The following DACH2 variants were observed in gnomAD, a reference collection of about 807,000 sequenced individuals.
DACH2 encodes dachshund homolog 2.
A neutral mutation model predicts 35.8 loss-of-function variants in DACH2; 17 were observed. The ratio of observed to expected loss-of-function variants is 0.48; its 90% CI spans 0.33 to 0.71. The LOEUF is 0.71. Ranked by LOEUF, DACH2 falls within the 30% of genes least tolerant of loss-of-function variation. DACH2 has a pLI of 0.02. For synonymous variants in DACH2, 195 were observed against 177.3 expected (o/e 1.10, Z -0.79); for missense variants, 469 against 472.7 (o/e 0.99, Z 0.07).
At chrX:86,335,786 T>C (rs1259363960) in intron 1 of DACH2, among the ~76,000 whole-genome samples, 1 of 112,012 alleles carries the variant, frequency 8.9e-6, no homozygotes. Context: ...CAATACTATG[T>C]TGAATAAGAG....
chrX:86,783,446 G>A (rs1411385124), intron 7 of DACH2, among the ~76,000 whole-genome samples: 1 of 111,905 alleles, frequency 8.9e-6, no homozygotes, highest in African/African-American at 3.2e-5. Context: ...CCAGTAAATC[G>A]AAGAGATAGC....
intron 3 of DACH2, among the ~76,000 whole-genome samples, chrX:86,522,055 G>T (rs1164544687): frequency 9.0e-6 from 1 of 111,064 alleles, no homozygotes; most frequent in Non-Finnish European, 1.9e-5. Context: ...ATTTTCTTCT[G>T]TAATTTGTAT....
chrX:86,814,950 A>C, intron 10 of DACH2, 116 bp downstream of exon 10: 1 of 793,110 alleles, frequency 1.3e-6, no homozygotes, highest in Non-Finnish European at 1.8e-6. Context: ...GAGAGAGGGA[A>C]ACACAGACAT....
At chrX:86,792,297 C>T (rs962663091) in intron 7 of DACH2, among the ~76,000 whole-genome samples, 1 of 111,688 alleles carries the variant, frequency 9.0e-6, no homozygotes, top group East Asian at 2.8e-4. Flanking sequence ...TTGTCACAAG[C>T]GTAGAATGTG....
At chrX:86,402,040 A>G (rs2036443039) in intron 2 of DACH2, among the ~76,000 whole-genome samples, 1 of 112,130 alleles carries the variant, frequency 8.9e-6, no homozygotes, top group Admixed American at 9.5e-5. Flanking sequence ...ATATCTAAAA[A>G]TAAAAGTGCC....
chrX:86,714,718 A>C lies in DACH2; in HGVS notation c.1102A>C (p.Lys368Gln). ...PLSRAGTSVI[K>Q]ERIPESPSPA... is the part of the protein sequence containing the mutation. ...CTCCAGAGCTGGTACCTCTGTTATA[A>C]AGGTAAGAATCGTGATTTAGAAAAG... Residue 368 changes from lysine to glutamine, a missense_variant and splice_region_variant, in exon 6 of 12, where the codon AAG becomes CAG. Transcript: ENST00000373125. 1 of 1,165,614 alleles carries C rather than the reference A, an allele frequency of 8.6e-7. No homozygotes were observed. The highest frequency in any genetic ancestry group is 1.2e-6 in the Non-Finnish European group (1 of 865,842).
chrX:86,311,205 C>T (rs2148024763), intron 1 of DACH2, among the ~76,000 whole-genome samples: 1 of 112,230 alleles, frequency 8.9e-6, no homozygotes, highest in South Asian at 3.7e-4. Flanking sequence ...GTTTGCCTAT[C>T]CTGCATGCAA....
At chrX:86,357,780 G>A (rs758084206) in intron 1 of DACH2, among the ~76,000 whole-genome samples, 1 of 112,243 alleles carries the variant, frequency 8.9e-6, no homozygotes, top group East Asian at 2.8e-4. Flanking sequence ...TGATCAAATG[G>A]AGTGAACTGA....
intron 3 of DACH2, among the ~76,000 whole-genome samples, chrX:86,536,381 G>A (rs892131839): frequency 9.0e-6 from 1 of 111,279 alleles, no homozygotes; most frequent in South Asian, 3.8e-4. Context: ...TATTTCTTTG[G>A]CATATTTTGA....
chrX:86,214,351 A>G (rs1381808119), intron 1 of DACH2, among the ~76,000 whole-genome samples: 1 of 112,303 alleles, frequency 8.9e-6, no homozygotes, highest in African/African-American at 3.2e-5. Context: ...TTATGTCTAT[A>G]AAACTTTATC....
intron 1 of DACH2, among the ~76,000 whole-genome samples, chrX:86,226,553 T>A (rs1023598774): frequency 2.7e-5 from 3 of 112,027 alleles, no homozygotes; most frequent in Non-Finnish European, 3.8e-5. Context: ...AACTAGAGAT[T>A]AAAGTCTCCA....
intron 2 of DACH2, among the ~76,000 whole-genome samples, chrX:86,398,601 G>A (rs775101356): frequency 5.4e-5 from 6 of 111,593 alleles, no homozygotes; most frequent in South Asian, 3.7e-4. Flanking sequence ...CTTTGTTCTC[G>A]TTAGTTTCAA....
At chrX:86,707,334 A>G (rs912097957) in intron 5 of DACH2, among the ~76,000 whole-genome samples, 7 of 111,932 alleles carry the variant, frequency 6.3e-5, no homozygotes, top group Non-Finnish European at 1.1e-4. Flanking sequence ...AATAAAATCT[A>G]TAATTAAAAC....
intron 1 of DACH2, among the ~76,000 whole-genome samples, chrX:86,260,023 C>T (rs57142614): frequency 0.39 from 42,528 of 109,471 alleles, 7,580 homozygotes; most frequent in African/African-American, 0.7. Context: ...AAACGAAAAC[C>T]TCTCAAGTTT....
intron 1 of DACH2, among the ~76,000 whole-genome samples, chrX:86,295,227 C>A: frequency 2.0e-5 from 1 of 50,526 alleles, no homozygotes; most frequent in Admixed American, 3.0e-4. Context: ...AAGGGAACTC[C>A]CTGACCCCTT....
intron 3 of DACH2, among the ~76,000 whole-genome samples, chrX:86,641,648 A>G (rs966614388): frequency 1.8e-5 from 2 of 111,754 alleles, no homozygotes; most frequent in Non-Finnish European, 3.8e-5. Context: ...AAGACACATA[A>G]CCATCTGATT....
intron 2 of DACH2, among the ~76,000 whole-genome samples, chrX:86,489,572 T>G (rs2038066119): frequency 9.0e-6 from 1 of 111,475 alleles, no homozygotes; most frequent in African/African-American, 3.2e-5. Context: ...TTAATTAGCT[T>G]GACTTAGCCA....
chrX:86,303,672 A>G (rs1184739934), intron 1 of DACH2, among the ~76,000 whole-genome samples: 2 of 110,489 alleles, frequency 1.8e-5, no homozygotes, highest in African/African-American at 3.3e-5. Context: ...TTCATTTAAC[A>G]AAAGCAATCT....
chrX:86,182,794 C>T (rs2031541434), intron 1 of DACH2, among the ~76,000 whole-genome samples: 1 of 37,025 alleles, frequency 2.7e-5, no homozygotes, highest in Admixed American at 3.8e-4. Flanking sequence ...GATATTGATA[C>T]TTTCTATCCA....
Sources: allele counts gnomAD v4.1 joint callset (sites outside exome capture counted in the v4.1 genomes callset), GRCh38; gene constraint gnomAD v4.1.1; transcripts MANE v1.5; gene names NCBI Gene and HGNC (gene_info 2026-07-23, HGNC 2026-07-21).